Variants in DMD observed in about 807,000 individuals in gnomAD.
DMD encodes the protein mutant dystrophin.
Under a neutral mutation model 330.1 loss-of-function variants are expected in DMD, and 63 were observed. The ratio of observed to expected loss-of-function variants is 0.19; its 90% CI spans 0.16 to 0.24. The LOEUF is 0.24. Among genes scored for constraint, DMD ranks in the 10% least tolerant of loss-of-function variants. DMD has a pLI of 1.00. For synonymous variants in DMD, 1,223 were observed against 959.8 expected (o/e 1.27, Z -5.07); for missense variants, 3,344 against 2,684.1 (o/e 1.25, Z -5.43).
Position 32,704,781 on chromosome X carries a change from A to T in DMD, c.650-5488T>A, listed in dbSNP as rs1319802593. 3.6e-5 allele frequency among the ~76,000 whole-genome samples: 4 copies of T among 112,139 alleles called. No homozygotes were observed. The East Asian group carries it at 1.1e-3, about 31-fold the overall frequency. ...TGGAAAGAAGGCACTTCTGGTCATAAACTAGCCATAGCCAGAATGCTCAAA... is the reference window on the plus strand; with the variant it reads ...TGGAAAGAAGGCACTTCTGGTCATATACTAGCCATAGCCAGAATGCTCAAA... On this transcript the variant is annotated intron_variant, in intron 7 of 78. Transcript: ENST00000357033.
chrX:32,773,656 A>G (rs1482746857), intron 7 of DMD, among the ~76,000 whole-genome samples: 3 of 110,198 alleles, frequency 2.7e-5, no homozygotes, highest in Admixed American at 9.8e-5. Flanking sequence ...TATGAGTGAG[A>G]ACTTGCAATA....
intron 11 of DMD, among the ~76,000 whole-genome samples, chrX:32,638,064 T>G (rs758284464): frequency 8.0e-4 from 89 of 111,899 alleles, no homozygotes; most frequent in Middle Eastern, 4.6e-3. Flanking sequence ...TTTTAATTAT[T>G]GACAGAAAAA....
chrX:32,876,599 C>A (rs1046580356), intron 2 of DMD, among the ~76,000 whole-genome samples: 1 of 111,980 alleles, frequency 8.9e-6, no homozygotes, highest in Admixed American at 9.5e-5. Flanking sequence ...GTCATTTGTT[C>A]ATGTCCCTTA....
At chrX:32,721,972 CTTAGGT>C (rs1232039175) in intron 7 of DMD, among the ~76,000 whole-genome samples, 1 of 108,820 alleles carries the variant, frequency 9.2e-6, no homozygotes, top group Non-Finnish European at 1.9e-5. Context: ...ATTATATAGG[CTTAGGT>C]TTATTTGTGA....
chrX:33,243,726 T>C (rs2052623745), intron 1 of DMD, among the ~76,000 whole-genome samples: 1 of 112,241 alleles, frequency 8.9e-6, no homozygotes, highest in South Asian at 3.7e-4. Context: ...AAATCATGTC[T>C]TTTGCAACAA....
intron 1 of DMD, among the ~76,000 whole-genome samples, chrX:33,330,770 A>G (rs2054161105): frequency 8.9e-6 from 1 of 111,921 alleles, no homozygotes; most frequent in Non-Finnish European, 1.9e-5. Context: ...CACTTCAAAT[A>G]TGTCGCTTTA....
chrX:32,730,855 G>A (rs749073047), intron 7 of DMD, among the ~76,000 whole-genome samples: 1 of 111,989 alleles, frequency 8.9e-6, no homozygotes, highest in East Asian at 2.8e-4. Flanking sequence ...GCCTACCAGT[G>A]GGAAAATTAA....
intron 44 of DMD, among the ~76,000 whole-genome samples, chrX:32,031,238 G>T (rs937123044): frequency 1.8e-5 from 2 of 111,226 alleles, no homozygotes; most frequent in African/African-American, 6.5e-5. Flanking sequence ...TATTACAAAG[G>T]CTGCAGCTCT....
At chrX:32,129,392 C>T (rs2096677352) in intron 44 of DMD, among the ~76,000 whole-genome samples, 1 of 110,792 alleles carries the variant, frequency 9.0e-6, no homozygotes, top group South Asian at 3.8e-4. Context: ...AGATGTGGAC[C>T]TCTTAGAGGC....
At chrX:32,713,069 C>G (rs186245173) in intron 7 of DMD, among the ~76,000 whole-genome samples, 2 of 111,622 alleles carry the variant, frequency 1.8e-5, no homozygotes, top group Admixed American at 1.9e-4. Flanking sequence ...AATATCTATT[C>G]CACACCATTA....
chrX:32,088,493 C>T (rs972152220), intron 44 of DMD, among the ~76,000 whole-genome samples: 4 of 93,099 alleles, frequency 4.3e-5, no homozygotes, highest in East Asian at 3.5e-4. Flanking sequence ...TTCTATGAAG[C>T]GATGACTAAA....
At chrX:33,090,646 T>C (rs181931149) in intron 1 of DMD, among the ~76,000 whole-genome samples, 1 of 109,669 alleles carries the variant, frequency 9.1e-6, no homozygotes, top group Non-Finnish European at 1.9e-5. Flanking sequence ...AAATCAGCTA[T>C]TAGACAAGCA....
intron 53 of DMD, among the ~76,000 whole-genome samples, chrX:31,670,878 TG>T: frequency 9.0e-6 from 1 of 111,007 alleles, no homozygotes; most frequent in Non-Finnish European, 1.9e-5. Flanking sequence ...GTATGTCTTT[TG>T]GGAGCGGGGG....
chrX:31,686,888 T>C (rs1220588173), intron 52 of DMD, among the ~76,000 whole-genome samples: 1 of 112,026 alleles, frequency 8.9e-6, no homozygotes, highest in African/African-American at 3.2e-5. Context: ...GCAGTGAAGC[T>C]TGCAGCAACA....
At chrX:31,569,221 T>G (rs753497657) in intron 55 of DMD, among the ~76,000 whole-genome samples, 13 of 110,927 alleles carry the variant, frequency 1.2e-4, no homozygotes, top group Non-Finnish European at 2.1e-4. Flanking sequence ...TCCTTTCTGT[T>G]TAGAGAATGT....
intron 22 of DMD, among the ~76,000 whole-genome samples, chrX:32,469,814 T>C (rs959156929): frequency 1.8e-5 from 2 of 111,124 alleles, no homozygotes; most frequent in Non-Finnish European, 3.8e-5. Context: ...TCCTGTAAAT[T>C]ATGTTTATCT....
intron 50 of DMD, among the ~76,000 whole-genome samples, chrX:31,795,897 T>C (rs190077746): frequency 1.4e-4 from 16 of 111,984 alleles, no homozygotes; most frequent in Admixed American, 1.0e-3. Context: ...TTATGACAAA[T>C]GTATTTCTAG....
intron 1 of DMD, among the ~76,000 whole-genome samples, chrX:33,285,642 A>T (rs2053420576): frequency 2.7e-5 from 3 of 111,976 alleles, no homozygotes; most frequent in African/African-American, 9.7e-5. Context: ...AGTCCTTGAT[A>T]TCATGTTTGT....
chrX:31,383,264 C>A (rs1469238157), intron 60 of DMD, among the ~76,000 whole-genome samples: 3 of 111,723 alleles, frequency 2.7e-5, no homozygotes, highest in Non-Finnish European at 5.6e-5. Flanking sequence ...CCCCTATCTC[C>A]CTTCGCTGAC....
Sources: gnomAD v4.1 joint callset for allele counts (sites outside exome capture counted in the v4.1 genomes callset) on GRCh38, gnomAD v4.1.1 for gene constraint, MANE v1.5 for transcripts, NCBI Gene and HGNC (gene_info 2026-07-23, HGNC 2026-07-21) for gene names.